SZRD1: variants seen among roughly 807,000 people sequenced by gnomAD.
The protein encoded by SZRD1 is SUZ RNA binding domain containing 1.
Under a neutral mutation model 17.6 loss-of-function variants are expected in SZRD1, and 7 were observed. The observed-to-expected ratio is 0.40, with a 90% CI of 0.23 to 0.75. SZRD1 has a LOEUF of 0.75. Among genes scored for constraint, SZRD1 ranks in the 30% least tolerant of loss-of-function variants. The pLI is 0.38. For missense variants in SZRD1, 178 were observed against 201.8 expected, an observed-to-expected ratio of 0.88 and a Z score of 0.71; for synonymous variants, 77 against 77.9, an observed-to-expected ratio of 0.99 and a Z score of 0.06.
At position 16,393,504 on chromosome 1, in the gene SZRD1, G is replaced by A. The variant is rs757290259; in HGVS notation, c.356+22G>A. ...ACAGGTGAGTGTGGCTGGCAGGGCC[G>A]GCCAGTGATGGCTGTCCCAGTCCAC... On this transcript the variant is annotated intron_variant, in intron 3 of 3. Coordinates refer to ENST00000401088, the MANE Select transcript of SZRD1 (RefSeq NM_001114600.3). The surrounding 1 kb of genome is among the most constrained non-coding windows in gnomAD (Gnocchi z 5.6). 11 of 1,585,212 alleles carry A rather than the reference G, an allele frequency of 6.9e-6. No homozygotes were observed. Among genetic ancestry groups the A allele is most frequent in the South Asian group, 3.4e-5 (3 of 88,398 alleles).
chr1:16,389,274 G>GGC (rs2085183154), intron 1 of SZRD1, among the ~76,000 whole-genome samples: 2 of 132,992 alleles, frequency 1.5e-5, no homozygotes, highest in African/African-American at 5.9e-5. Flanking sequence ...TTTGAGGGGG[G>GGC]GTGGGGGGGG....
At chr1:16,383,273 A>G (rs2083136566) in intron 1 of SZRD1, among the ~76,000 whole-genome samples, 2 of 148,188 alleles carry the variant, frequency 1.3e-5, no homozygotes, top group South Asian at 2.1e-4. Flanking sequence ...CCTGGAGTGC[A>G]ATGGCACAAT....
chr1:16,395,032 T>G lies in SZRD1; in HGVS notation c.357-6T>G, dbSNP rs751708870. 1.8e-5 allele frequency: 29 copies of G among 1,586,648 alleles called. No homozygotes were observed. The African/African-American group carries it at 3.6e-4, about 20-fold the overall frequency. ...TCAGGCCTTCCTCTGCTTTTCTTCC[T>G]TTCAGGCCAACCAGGATCTCCCAAC... On this transcript the variant is annotated splice_polypyrimidine_tract_variant and splice_region_variant and intron_variant, in intron 3 of 3. Coordinates refer to ENST00000401088, the MANE Select transcript of SZRD1 (RefSeq NM_001114600.3).
intron 1 of SZRD1, among the ~76,000 whole-genome samples, chr1:16,370,212 GTTCT>G (rs2082890315): frequency 6.7e-6 from 1 of 148,660 alleles, no homozygotes; most frequent in African/African-American, 2.5e-5. Context: ...GGAATTGGGT[GTTCT>G]TTCTTTTCCT....
At chr1:16,388,496 A>T (rs1196847300) in intron 1 of SZRD1, among the ~76,000 whole-genome samples, 2 of 152,050 alleles carry the variant, frequency 1.3e-5, no homozygotes, top group African/African-American at 2.4e-5. Flanking sequence ...CATATGGTTA[A>T]TCTAGTTCAT....
At chr1:16,394,431 A>T (rs2085271616) in intron 3 of SZRD1, among the ~76,000 whole-genome samples, 1 of 152,190 alleles carries the variant, frequency 6.6e-6, no homozygotes, top group Non-Finnish European at 1.5e-5. Context: ...AGCATGTGCT[A>T]TCCATGGTCA....
intron 1 of SZRD1, among the ~76,000 whole-genome samples, chr1:16,376,888 A>T (rs1417936579): frequency 6.6e-6 from 1 of 151,166 alleles, no homozygotes. Flanking sequence ...ACTGATCTGA[A>T]CTCAGATCGC....
chr1:16,371,981 T>C (rs567378033), intron 1 of SZRD1, among the ~76,000 whole-genome samples: 1 of 152,306 alleles, frequency 6.6e-6, no homozygotes, highest in South Asian at 2.1e-4. Flanking sequence ...CTGAGGTCAT[T>C]GTTTCCTGTA....
chr1:16,372,199 G>A (rs553148712), intron 1 of SZRD1, among the ~76,000 whole-genome samples: 2 of 151,922 alleles, frequency 1.3e-5, no homozygotes, highest in African/African-American at 2.4e-5. Context: ...TATGCCAGGC[G>A]TGGTGGCTCA....
chr1:16,367,387 A>C (rs1392300805), intron 1 of SZRD1, 79 bp downstream of exon 1: 12 of 1,383,252 alleles, frequency 8.7e-6, no homozygotes, highest in East Asian at 2.5e-5. Context: ...GGGTCTGGAG[A>C]TAGTTCTCCC....
Position 16,393,383 on chromosome 1 carries a change from A to G in SZRD1, c.257A>G (p.Lys86Arg). The G allele has an allele frequency of 6.2e-7, 1 of 1,614,172 alleles. No homozygotes were observed. The highest frequency in any genetic ancestry group is 8.5e-7 in the Non-Finnish European group (1 of 1,180,026). The change falls in exon 3 of 4, where the codon AAG (lysine) becomes AGG (arginine). Residue 86 changes from lysine (K) to arginine (R), a missense_variant. Lys to Arg is a conservative substitution (Grantham distance 26). Coordinates refer to ENST00000401088, the MANE Select transcript of SZRD1 (RefSeq NM_001114600.3). This position sits in a 1 kb window ranked among gnomAD's most constrained non-coding sequence, Gnocchi z 5.6. Reference sequence around the variant, plus strand: ...ACCAGCAGGCCCACCCTTCCAGTCAAGTCCCTAGCACAGCGAGAGGCCGAG... The same window carrying G: ...ACCAGCAGGCCCACCCTTCCAGTCAGGTCCCTAGCACAGCGAGAGGCCGAG... Reference protein sequence around the residue: ...NSTSRPTLPVKSLAQREAEYA... With the variant: ...NSTSRPTLPVRSLAQREAEYA...
intron 1 of SZRD1, among the ~76,000 whole-genome samples, chr1:16,385,716 C>T (rs2083177421): frequency 6.6e-6 from 1 of 152,160 alleles, no homozygotes; most frequent in African/African-American, 2.4e-5. Context: ...TGGGAATGAT[C>T]TTATCCGCAT....
At position 16,391,642 on chromosome 1, in the gene SZRD1, C is replaced by T. The variant is rs1411243183; in HGVS notation, c.101+218C>T. ...CACCTGCCTCTGACCTTCGTGGGCT[C>T]CCTGTGTGAGGTCATCTGATGCAAT... On this transcript the variant is annotated intron_variant, in intron 2 of 3. Coordinates refer to ENST00000401088, the MANE Select transcript of SZRD1 (RefSeq NM_001114600.3). This position sits in a 1 kb window ranked among gnomAD's most constrained non-coding sequence, Gnocchi z 4.3. Among the ~76,000 whole-genome samples the T allele has an allele frequency of 6.6e-6, 1 of 151,946 alleles. No homozygotes were observed. Among genetic ancestry groups the T allele is most frequent in the Non-Finnish European group, 1.5e-5 (1 of 68,000 alleles).
chr1:16,396,609 T>C lies in SZRD1; in HGVS notation c.*1469T>C. The C allele has an allele frequency of 6.5e-6, 1 of 152,810 alleles. No homozygotes were observed. The highest frequency in any genetic ancestry group is 2.1e-4 in the South Asian group (1 of 4,830). 9.5% of individuals were successfully genotyped at this position (152,810 alleles called of 1,614,324 possible). On this transcript the variant is annotated 3_prime_UTR_variant, in exon 4 of 4. Coordinates refer to ENST00000401088, the MANE Select transcript of SZRD1 (RefSeq NM_001114600.3). Reference sequence around the variant, plus strand: ...CTTCCGTTGCACTGCGCCTTATCCCTCAGCCAGCCAGACAGCCTCCCTGCT... The same window carrying C: ...CTTCCGTTGCACTGCGCCTTATCCCCCAGCCAGCCAGACAGCCTCCCTGCT...
chr1:16,381,658 G>A (rs2083106957), intron 1 of SZRD1, among the ~76,000 whole-genome samples: 1 of 152,058 alleles, frequency 6.6e-6, no homozygotes, highest in Non-Finnish European at 1.5e-5. Flanking sequence ...AAGGCCGAGT[G>A]CGGTGGCTCA....
chr1:16,374,726 C>G (rs2082970671), intron 1 of SZRD1, among the ~76,000 whole-genome samples: 1 of 152,170 alleles, frequency 6.6e-6, no homozygotes, highest in Non-Finnish European at 1.5e-5. Flanking sequence ...TAGCTAGCCT[C>G]TACAAGGTGT....
chr1:16,394,998 T>C, intron 3 of SZRD1, 40 bp from the exon 4 acceptor site: 1 of 1,146,690 alleles, frequency 8.7e-7, no homozygotes, highest in South Asian at 1.3e-5. Flanking sequence ...ACATCTATTA[T>C]ATCCTTCTTC....
intron 1 of SZRD1, among the ~76,000 whole-genome samples, chr1:16,379,151 G>A (rs753452156): frequency 9.9e-5 from 15 of 151,620 alleles, no homozygotes; most frequent in East Asian, 2.0e-4. Context: ...ATGGAGTCTC[G>A]CTCTGTCGCC....
chr1:16,376,953 G>A (rs635120), intron 1 of SZRD1, among the ~76,000 whole-genome samples: 49,873 of 151,878 alleles, frequency 0.33, 9,692 homozygotes, highest in East Asian at 0.68. Context: ...GTACAGGTGC[G>A]TGAGCCACTG....
Sources: allele counts gnomAD v4.1 joint callset (sites outside exome capture counted in the v4.1 genomes callset), GRCh38; gene constraint gnomAD v4.1.1; non-coding constraint Gnocchi (gnomAD v3.1); transcripts MANE v1.5; gene names NCBI Gene and HGNC (gene_info 2026-07-23, HGNC 2026-07-21).